HAAO: variants seen among roughly 807,000 people sequenced by gnomAD.
HAAO encodes the protein 3-hydroxyanthranilate oxygenase.
A neutral mutation model predicts 46.2 loss-of-function variants in HAAO; 49 were observed. The observed-to-expected ratio is 1.06, with a 90% CI of 0.84 to 1.34. The LOEUF (loss-of-function observed/expected upper bound fraction) is 1.34, where lower values mean the gene tolerates loss of function less well. Among genes scored for constraint, HAAO ranks in the 40% most tolerant of loss-of-function variants. HAAO has a pLI of 0.00. For missense variants in HAAO, 408 were observed against 364.5 expected (o/e 1.12, Z -0.97); for synonymous variants, 157 against 145.2 (o/e 1.08, Z -0.58).
chr2:42,774,299 G>T (rs773651837), intron 4 of HAAO, among the ~76,000 whole-genome samples: 1 of 152,152 alleles, frequency 6.6e-6, no homozygotes, highest in Non-Finnish European at 1.5e-5. Flanking sequence ...AACCACAGAG[G>T]CATTCTGAGT....
intron 4 of HAAO, among the ~76,000 whole-genome samples, chr2:42,779,049 A>G (rs11124889): frequency 0.36 from 54,716 of 151,498 alleles, 10,660 homozygotes; most frequent in African/African-American, 0.48. Flanking sequence ...GGAGGTGGAG[A>G]TTGCAGTGAG....
intron 4 of HAAO, chr2:42,782,825 C>A: frequency 2.3e-6 from 1 of 430,510 alleles, no homozygotes. Flanking sequence ...GGAGTTGTCT[C>A]ACCTTTCCAG....
In HAAO at chr2:42,767,519, T is replaced by C; in HGVS notation, c.783-4A>G. The C allele has an allele frequency of 6.2e-7, 1 of 1,610,402 alleles. No individual in the cohort carries two copies. Among genetic ancestry groups the C allele is most frequent in the Non-Finnish European group, 8.5e-7 (1 of 1,178,098 alleles). ...TTGTGTTCGCTCCCAGGCATACCTG[T>C]GGACACACAGATGAGCAGGGATCAC... On this transcript the variant is annotated splice_polypyrimidine_tract_variant and splice_region_variant and intron_variant, in intron 9 of 9. Coordinates refer to ENST00000294973, the MANE Select transcript of HAAO (RefSeq NM_012205.3).
At chr2:42,775,118 G>A (rs11884027) in intron 4 of HAAO, among the ~76,000 whole-genome samples, 58,627 of 151,892 alleles carry the variant, frequency 0.39, 12,707 homozygotes, top group African/African-American at 0.56. Context: ...GCAGTGGCGC[G>A]CACCTGTAAT....
chr2:42,777,947 G>GT (rs1294958488), intron 4 of HAAO, among the ~76,000 whole-genome samples: 1 of 152,042 alleles, frequency 6.6e-6, no homozygotes, highest in Non-Finnish European at 1.5e-5. Flanking sequence ...AAACAAAGAG[G>GT]TTTTTTGTGG....
intron 1 of HAAO, among the ~76,000 whole-genome samples, chr2:42,790,974 C>CTTCAGCAGCTTCTCACCTTGCTTGT (rs1672756072): frequency 8.5e-5 from 13 of 152,308 alleles, no homozygotes; most frequent in Admixed American, 7.8e-4. Flanking sequence ...GCCCAGAACT[C>CTTCAGCAGCTTCTCACCTTGCTTGT]TTCAGCAGCT....
At chr2:42,774,639 C>T (rs1489758611) in intron 4 of HAAO, among the ~76,000 whole-genome samples, 3 of 152,076 alleles carry the variant, frequency 2.0e-5, no homozygotes, top group Non-Finnish European at 4.4e-5. Context: ...AGAGAGTTGT[C>T]TTGAGCCTGA....
At chr2:42,775,151 G>A (rs572418740) in intron 4 of HAAO, among the ~76,000 whole-genome samples, 1 of 151,808 alleles carries the variant, frequency 6.6e-6, no homozygotes, top group Admixed American at 6.6e-5. Flanking sequence ...GGAGGCTGAG[G>A]CAGGAGAATT....
intron 4 of HAAO, among the ~76,000 whole-genome samples, chr2:42,770,808 G>A (rs114273674): frequency 0.03 from 4,634 of 152,154 alleles, 118 homozygotes; most frequent in Non-Finnish European, 0.042. Context: ...GGCTCTCTCC[G>A]GTTCCCAAAA....
intron 4 of HAAO, among the ~76,000 whole-genome samples, chr2:42,776,449 G>A (rs893634931): frequency 5.9e-5 from 9 of 151,488 alleles, no homozygotes; most frequent in South Asian, 2.1e-4. Flanking sequence ...CGTTGGTCAC[G>A]CTGGTCTCAA....
chr2:42,791,540 T>G (rs1299386632), intron 1 of HAAO, among the ~76,000 whole-genome samples: 1 of 152,138 alleles, frequency 6.6e-6, no homozygotes, highest in Admixed American at 6.5e-5. Flanking sequence ...GTCGAACTGC[T>G]CCGTGGGTTG....
chr2:42,778,607 C>T (rs191803391), intron 4 of HAAO, among the ~76,000 whole-genome samples: 1 of 152,202 alleles, frequency 6.6e-6, no homozygotes, highest in African/African-American at 2.4e-5. Context: ...GAATTACAGG[C>T]GTGAGTCACT....
chr2:42,783,304 C>G lies in HAAO; in HGVS notation c.350+10G>C, dbSNP rs752454418. On this transcript the variant is annotated intron_variant, in intron 4 of 9. Transcript: ENST00000294973. ...CCTTTCTCTGCCCCAGCCCTCCAGA[C>G]AGAATTTACCTGAGCCCATCTAGCT... 3 of 1,560,052 alleles carry G rather than the reference C, an allele frequency of 1.9e-6. No individual in the cohort carries two copies. The highest frequency in any genetic ancestry group is 2.6e-6 in the Non-Finnish European group (3 of 1,133,574).
Position 42,783,802 on chromosome 2 carries a change from C to G in HAAO, c.225G>C (p.Val75=). ...GCCTCACCTCTCCCTGCCGAATGAC[C>G]ACATCCCGGTGTTTCCCTTGCTCCA... ...RVLEQGKHRD[V]VIRQGEIFLL... is the part of the protein sequence containing the mutation. Residue 75 remains valine, a synonymous_variant, in exon 3 of 10, where the codon GTG becomes GTC. Transcript: ENST00000294973. 1 of 1,612,758 alleles carries G rather than the reference C, an allele frequency of 6.2e-7. No individual in the cohort carries two copies. The highest frequency in any genetic ancestry group is 8.5e-7 in the Non-Finnish European group (1 of 1,179,482).
At chr2:42,771,587 ATATAGCCTTCAGTAGACCCC>A (rs1553408597) in intron 4 of HAAO, among the ~76,000 whole-genome samples, 1 of 152,208 alleles carries the variant, frequency 6.6e-6, no homozygotes, top group Non-Finnish European at 1.5e-5. Context: ...GTACATGTAC[ATATAGCCTTCAGTAGACCCC>A]TAAAGCCCAC....
intron 4 of HAAO, among the ~76,000 whole-genome samples, chr2:42,781,977 A>T (rs528676886): frequency 1.5e-4 from 23 of 152,348 alleles, no homozygotes; most frequent in South Asian, 8.3e-4. Context: ...AAAAAGGGGA[A>T]ACTGGAGAGA....
chr2:42,779,054 A>C (rs566443222), intron 4 of HAAO, among the ~76,000 whole-genome samples: 1 of 152,070 alleles, frequency 6.6e-6, no homozygotes, highest in Non-Finnish European at 1.5e-5. Context: ...TGGAGATTGC[A>C]GTGAGCTGAG....
At chr2:42,785,481 C>G (rs539707037) in intron 2 of HAAO, among the ~76,000 whole-genome samples, 64 of 152,266 alleles carry the variant, frequency 4.2e-4, no homozygotes, top group African/African-American at 1.5e-3. Flanking sequence ...CACAGCGGCC[C>G]TCTGCGTGGT....
chr2:42,782,956 T>A, intron 4 of HAAO: 1 of 442,720 alleles, frequency 2.3e-6, no homozygotes, highest in Non-Finnish European at 4.4e-6. Flanking sequence ...TGAGGCTGTG[T>A]CACGGGCACA....
Sources: allele counts gnomAD v4.1 joint callset (sites outside exome capture counted in the v4.1 genomes callset), GRCh38; gene constraint gnomAD v4.1.1; transcripts MANE v1.5; gene names NCBI Gene and HGNC (gene_info 2026-07-23, HGNC 2026-07-21).